CCBE1: variants seen among roughly 807,000 people sequenced by gnomAD.
The protein encoded by CCBE1 is collagen and calcium binding EGF domains 1, also known as collagen and calcium-binding EGF domain-containing protein 1.
CCBE1 carries 37 observed loss-of-function variants against 50.0 expected under a neutral mutation model. That is an observed-to-expected ratio of 0.74 (90% CI 0.57 to 0.97). The LOEUF (loss-of-function observed/expected upper bound fraction) is 0.97. Ranked by LOEUF, CCBE1 falls within the 50% of genes least tolerant of loss-of-function variation. CCBE1 has a pLI of 0.00. For synonymous variants in CCBE1, 234 were observed against 203.7 expected (o/e 1.15, Z -1.27); for missense variants, 538 against 523.8 (o/e 1.03, Z -0.26).
At chr18:59,494,011 C>T (rs1307959242) in intron 2 of CCBE1, among the ~76,000 whole-genome samples, 3 of 152,180 alleles carry the variant, frequency 2.0e-5, no homozygotes, top group Non-Finnish European at 4.4e-5. Flanking sequence ...GATTGTGAGG[C>T]CTCCCCAGCC....
intron 2 of CCBE1, among the ~76,000 whole-genome samples, chr18:59,670,959 A>C (rs1283571115): frequency 6.6e-6 from 1 of 152,124 alleles, no homozygotes; most frequent in Non-Finnish European, 1.5e-5. Flanking sequence ...AAAAATAATA[A>C]TTTTCAATCC....
chr18:59,612,524 G>T (rs1309153299), intron 2 of CCBE1, among the ~76,000 whole-genome samples: 1 of 152,086 alleles, frequency 6.6e-6, no homozygotes, highest in African/African-American at 2.4e-5. Flanking sequence ...GAAAGTAGAG[G>T]TTTTCTGGGC....
chr18:59,582,713 T>C (rs1217374866), intron 2 of CCBE1, among the ~76,000 whole-genome samples: 1 of 152,180 alleles, frequency 6.6e-6, no homozygotes, highest in African/African-American at 2.4e-5. Context: ...TCTACCCTGC[T>C]CCCAAACTCT....
At chr18:59,576,922 C>T (rs1248670317) in intron 2 of CCBE1, among the ~76,000 whole-genome samples, 3 of 152,206 alleles carry the variant, frequency 2.0e-5, no homozygotes, top group South Asian at 4.1e-4. Flanking sequence ...TTTCTGACTC[C>T]TCCCTAATCC....
chr18:59,441,212 G>C (rs1344954148), intron 7 of CCBE1, among the ~76,000 whole-genome samples: 1 of 152,118 alleles, frequency 6.6e-6, no homozygotes, highest in East Asian at 1.9e-4. Context: ...AAAATTTTCA[G>C]ACATGGAAAG....
At chr18:59,502,691 C>G (rs945699858) in intron 2 of CCBE1, among the ~76,000 whole-genome samples, 4 of 151,506 alleles carry the variant, frequency 2.6e-5, no homozygotes, top group Admixed American at 1.3e-4. Context: ...TCCCCCTCCC[C>G]CCGCAAAAAA....
At chr18:59,666,753 T>C (rs914048717) in intron 2 of CCBE1, among the ~76,000 whole-genome samples, 1 of 151,928 alleles carries the variant, frequency 6.6e-6, no homozygotes, top group Non-Finnish European at 1.5e-5. Context: ...GATCATGAGG[T>C]CAGGGGATCA....
chr18:59,523,962 C>T (rs970122617), intron 2 of CCBE1, among the ~76,000 whole-genome samples: 1 of 152,168 alleles, frequency 6.6e-6, no homozygotes, highest in South Asian at 2.1e-4. Context: ...CTTCTCCACC[C>T]AGGAGCAAGG....
intron 5 of CCBE1, among the ~76,000 whole-genome samples, chr18:59,463,416 T>G (rs958589688): frequency 1.3e-5 from 2 of 152,148 alleles, no homozygotes; most frequent in Non-Finnish European, 2.9e-5. Flanking sequence ...TTCTCTGACT[T>G]ACAGCCACCG....
At chr18:59,547,077 G>A (rs111242793) in intron 2 of CCBE1, among the ~76,000 whole-genome samples, 18 of 49,780 alleles carry the variant, frequency 3.6e-4, no homozygotes, top group East Asian at 5.9e-4. Flanking sequence ...GAGAGGGGGA[G>A]AGAAAGGGAG....
At position 59,439,692 on chromosome 18, in the gene CCBE1, G is replaced by A. The variant is rs777879534; in HGVS notation, c.900C>T (p.Gly300=). 3.1e-6 allele frequency: 5 copies of A among 1,614,236 alleles called. No homozygotes were observed. Among genetic ancestry groups the A allele is most frequent in the South Asian group, 2.2e-5 (2 of 91,088 alleles). ...AGATACTGACCACAGGGCCCCTCCG[G>A]CCTTGCTTAATGTGGGACAGATCAG... The part of the protein sequence containing the change: ...PSPDLSHIKQ[G]RRGPVGPPGA... The change falls in exon 8 of 11, where the codon GGC becomes GGT. Residue 300 remains glycine (G), a synonymous_variant. Coordinates refer to ENST00000439986, the MANE Select transcript of CCBE1 (RefSeq NM_133459.4).
intron 2 of CCBE1, among the ~76,000 whole-genome samples, chr18:59,489,249 G>C (rs1463607056): frequency 6.6e-6 from 1 of 152,224 alleles, no homozygotes; most frequent in African/African-American, 2.4e-5. Context: ...CTGAGAACAT[G>C]CTTGCTGGTT....
chr18:59,601,476 G>A (rs558807332), intron 2 of CCBE1, among the ~76,000 whole-genome samples: 4 of 152,216 alleles, frequency 2.6e-5, no homozygotes, highest in African/African-American at 9.6e-5. Context: ...CACCATGATT[G>A]TGAGGCCTCT....
At chr18:59,605,778 A>T (rs932780789) in intron 2 of CCBE1, among the ~76,000 whole-genome samples, 3 of 152,146 alleles carry the variant, frequency 2.0e-5, no homozygotes, top group African/African-American at 4.8e-5. Flanking sequence ...GAAACATAAG[A>T]AGTACTTGAG....
chr18:59,534,915 GA>G (rs1345258436), intron 2 of CCBE1, among the ~76,000 whole-genome samples: 4 of 152,156 alleles, frequency 2.6e-5, no homozygotes, highest in African/African-American at 7.2e-5. Flanking sequence ...AGGCTTAGAA[GA>G]AAAAACAGAA....
At chr18:59,676,652 G>T (rs2054507620) in intron 2 of CCBE1, among the ~76,000 whole-genome samples, 1 of 152,116 alleles carries the variant, frequency 6.6e-6, no homozygotes, top group African/African-American at 2.4e-5. Context: ...AGACAGATCA[G>T]CCCCTGCTCT....
At chr18:59,496,851 T>C (rs1194854876) in intron 2 of CCBE1, among the ~76,000 whole-genome samples, 1 of 152,160 alleles carries the variant, frequency 6.6e-6, no homozygotes, top group Non-Finnish European at 1.5e-5. Flanking sequence ...TCAGAATTAT[T>C]AACAAGTATA....
At chr18:59,651,432 C>T (rs1365067343) in intron 2 of CCBE1, among the ~76,000 whole-genome samples, 1 of 152,234 alleles carries the variant, frequency 6.6e-6, no homozygotes, top group African/African-American at 2.4e-5. Flanking sequence ...ATGCCAAACG[C>T]TGGTTCATCC....
chr18:59,537,990 A>T (rs999362738), intron 2 of CCBE1, among the ~76,000 whole-genome samples: 6 of 152,338 alleles, frequency 3.9e-5, no homozygotes, highest in Non-Finnish European at 8.8e-5. Flanking sequence ...AGCACATAGT[A>T]AATGAAAAAT....
Sources: allele counts gnomAD v4.1 joint callset (sites outside exome capture counted in the v4.1 genomes callset), GRCh38; gene constraint gnomAD v4.1.1; transcripts MANE v1.5; gene names NCBI Gene and HGNC (gene_info 2026-07-23, HGNC 2026-07-21).